Variants in UBR3 observed in about 807,000 individuals in gnomAD.
The protein encoded by UBR3 is ubiquitin protein ligase E3 component n-recognin 3.
A neutral mutation model predicts 243.2 loss-of-function variants in UBR3; 85 were observed. The ratio of observed to expected loss-of-function variants is 0.35; its 90% CI spans 0.29 to 0.42. The LOEUF is 0.42. Ranked by LOEUF, UBR3 falls within the 10% of genes least tolerant of loss-of-function variation. UBR3 has a pLI of 1.00. For missense variants in UBR3, 1,686 were observed against 2,300.8 expected, an observed-to-expected ratio of 0.73 and a Z score of 5.47; for synonymous variants, 748 against 799.8, an observed-to-expected ratio of 0.94 and a Z score of 1.09.
Position 169,869,015 on chromosome 2 carries a change from C to T in UBR3, c.546-3221C>T, listed in dbSNP as rs549079866. ...CTCACATTCTCCATTTGTCTATTTC[C>T]TTTTTTGTAGTGTATTTAACGTGTT... On this transcript the variant is annotated intron_variant, in intron 1 of 38. Coordinates refer to ENST00000272793, the MANE Select transcript of UBR3 (RefSeq NM_172070.4). Among the ~76,000 whole-genome samples, 15 of 152,038 alleles carry T rather than the reference C, an allele frequency of 9.9e-5. 1 individual carries two copies. The South Asian group carries it at 3.1e-3, about 32-fold the overall frequency.
intron 35 of UBR3, among the ~76,000 whole-genome samples, chr2:170,072,290 G>A (rs2091714851): frequency 6.6e-6 from 1 of 152,042 alleles, no homozygotes; most frequent in African/African-American, 2.4e-5. Flanking sequence ...GATGAAATTG[G>A]AAATCATCAT....
intron 31 of UBR3, among the ~76,000 whole-genome samples, chr2:170,039,402 C>A (rs2090910285): frequency 6.6e-6 from 1 of 150,564 alleles, no homozygotes; most frequent in African/African-American, 2.4e-5. Context: ...TTTTTTAGAC[C>A]TTGGCCTTGC....
At chr2:169,914,225 T>A in intron 11 of UBR3, 79 bp downstream of exon 11, 1 of 698,740 alleles carries the variant, frequency 1.4e-6, no homozygotes, top group East Asian at 3.5e-5. Context: ...TCATTTAATG[T>A]TGAAAATAAT....
rs7605648 is a variant in UBR3 at position 170,038,432 on chromosome 2, C to A, written c.4557-2450C>A. On this transcript the variant is annotated intron_variant, in intron 31 of 38. Coordinates refer to ENST00000272793, the MANE Select transcript of UBR3 (RefSeq NM_172070.4). ...TTGTTTATCCAGCTAGTTTTATTAA[C>A]TGTTTTAATCCAGGCATTGGGATAT... Among the ~76,000 whole-genome samples the A allele has an allele frequency of 9.2e-3, 1,403 of 152,304 alleles. 24 individuals carry two copies. Among genetic ancestry groups the A allele is most frequent in the African/African-American group, 0.032 (1,313 of 41,580 alleles).
intron 10 of UBR3, 34 bp downstream of exon 10, chr2:169,906,198 T>G (rs1383521472): frequency 6.6e-7 from 1 of 1,517,248 alleles, no homozygotes; most frequent in Non-Finnish European, 8.8e-7. Context: ...ATTTCTGTGT[T>G]TAAGAAAAAG....
At position 170,037,710 on chromosome 2, in the gene UBR3, T is replaced by C. The variant is rs1382865667; in HGVS notation, c.4557-3172T>C. ...GCCTAACTTGTAATTTTGATTATAA[T>C]TATTTTAAACTCATAAATTAATCTG... On this transcript the variant is annotated intron_variant, in intron 31 of 38. Coordinates refer to ENST00000272793, the MANE Select transcript of UBR3 (RefSeq NM_172070.4). Among the ~76,000 whole-genome samples the C allele has an allele frequency of 2.0e-5, 3 of 152,150 alleles. No individual in the cohort carries two copies. The South Asian group carries it at 6.2e-4, about 32-fold the overall frequency.
chr2:169,932,988 A>C lies in UBR3; in HGVS notation c.2643A>C (p.Ala881=). 2.0e-6 allele frequency: 3 copies of C among 1,531,718 alleles called. No homozygotes were observed. 94.9% of individuals were successfully genotyped at this position (1,531,718 alleles called of 1,614,324 possible). Residue 881 remains alanine, a synonymous_variant, in exon 19 of 39, where the codon GCA becomes GCC. Transcript: ENST00000272793. Reference sequence around the variant, plus strand: ...TTTACCGTAGAGATGTGCAGTCTGCAATGGACAGATATACTGCATTGTAAG... The same window carrying C: ...TTTACCGTAGAGATGTGCAGTCTGCCATGGACAGATATACTGCATTGTAAG... ...RTVYRRDVQS[A]MDRYTAFLKQ... is the part of the protein sequence containing the mutation.
At chr2:169,955,252 G>A (rs1158102041) in intron 23 of UBR3, among the ~76,000 whole-genome samples, 1 of 151,984 alleles carries the variant, frequency 6.6e-6, no homozygotes, top group Admixed American at 6.5e-5. Context: ...CGTAATTTGT[G>A]GAGAGATACT....
intron 22 of UBR3, among the ~76,000 whole-genome samples, chr2:169,948,676 T>C (rs1307322345): frequency 6.6e-6 from 1 of 152,024 alleles, no homozygotes; most frequent in Non-Finnish European, 1.5e-5. Context: ...CTAATGCTGG[T>C]AGAGAGTACT....
chr2:170,019,083 T>C (rs978219225), intron 30 of UBR3, among the ~76,000 whole-genome samples: 1 of 152,210 alleles, frequency 6.6e-6, no homozygotes, highest in Non-Finnish European at 1.5e-5. Context: ...GTCTGCTTAT[T>C]ACTGTCATTT....
chr2:169,853,155 G>A (rs546248355), intron 1 of UBR3, among the ~76,000 whole-genome samples: 1 of 152,290 alleles, frequency 6.6e-6, no homozygotes, highest in East Asian at 1.9e-4. Flanking sequence ...AGTTACTTAT[G>A]AATGCTTGAG....
chr2:169,913,716 A>C (rs2085345580), intron 10 of UBR3, among the ~76,000 whole-genome samples: 1 of 152,122 alleles, frequency 6.6e-6, no homozygotes, highest in Non-Finnish European at 1.5e-5. Flanking sequence ...GTCAGCCCCA[A>C]AGAAACTCTG....
chr2:169,836,095 A>T (rs1435562202), intron 1 of UBR3, among the ~76,000 whole-genome samples: 6 of 9,218 alleles, frequency 6.5e-4, no homozygotes, highest in East Asian at 0.029. Context: ...TTTTTTTTTG[A>T]GATGGAAACT....
chr2:169,837,672 G>A (rs551314760), intron 1 of UBR3, among the ~76,000 whole-genome samples: 6 of 152,238 alleles, frequency 3.9e-5, no homozygotes, highest in Admixed American at 6.5e-5. Context: ...ATTACATCTC[G>A]TGAGAACTCA....
intron 26 of UBR3, among the ~76,000 whole-genome samples, chr2:169,996,125 A>G (rs2105395671): frequency 6.6e-6 from 1 of 152,348 alleles, no homozygotes; most frequent in South Asian, 2.1e-4. Flanking sequence ...CAGAATAAAT[A>G]GGAACTGACC....
chr2:170,018,754 A>G (rs556842737), intron 30 of UBR3, among the ~76,000 whole-genome samples: 254 of 152,338 alleles, frequency 1.7e-3, no homozygotes, highest in African/African-American at 5.8e-3. Flanking sequence ...AGTAAGTACC[A>G]CCAACTTGGT....
chr2:169,831,128 T>TATATATATATATATATATATATATATATA (rs1491457428), intron 1 of UBR3, among the ~76,000 whole-genome samples: 15 of 36,390 alleles, frequency 4.1e-4, no homozygotes, highest in South Asian at 1.6e-3. Flanking sequence ...TATATATATA[T>TATATATATATATATATATATATATATATA]TTTTTTTTTT....
chr2:169,950,947 A>AT (rs202075696), intron 23 of UBR3, among the ~76,000 whole-genome samples: 7,605 of 152,140 alleles, frequency 0.05, 230 homozygotes, highest in Non-Finnish European at 0.076. Context: ...GACCCAGGAC[A>AT]TTTAAAAAAA....
chr2:169,905,370 A>T, intron 9 of UBR3, 77 bp downstream of exon 9: 1 of 1,098,356 alleles, frequency 9.1e-7, no homozygotes, highest in Non-Finnish European at 1.2e-6. Context: ...CAATTAAAAT[A>T]CAATAGCACA....
Sources: allele counts gnomAD v4.1 joint callset (sites outside exome capture counted in the v4.1 genomes callset), GRCh38; gene constraint gnomAD v4.1.1; transcripts MANE v1.5; gene names NCBI Gene and HGNC (gene_info 2026-07-23, HGNC 2026-07-21).